KLF8: variants seen among roughly 807,000 people sequenced by gnomAD.
The protein encoded by KLF8 is Krueppel-like factor 8.
A neutral mutation model predicts 18.2 loss-of-function variants in KLF8; 10 were observed. The ratio of observed to expected loss-of-function variants is 0.55; its 90% CI spans 0.34 to 0.93. The LOEUF (loss-of-function observed/expected upper bound fraction) is 0.93. Among genes scored for constraint, KLF8 ranks in the 40% least tolerant of loss-of-function variants. The pLI is 0.02. For missense variants in KLF8, 264 were observed against 277.9 expected (o/e 0.95, Z 0.36); for synonymous variants, 109 against 97.3 (o/e 1.12, Z -0.71).
At chrX:56,073,153 A>AT in the KLF8 span, among the ~76,000 whole-genome samples, 1 of 109,577 alleles carries the variant, frequency 9.1e-6, no homozygotes, top group Non-Finnish European at 1.9e-5. Flanking sequence ...CGCCCAGCTA[A>AT]TTTTTTGGTA....
the KLF8 span, among the ~76,000 whole-genome samples, chrX:55,984,300 C>A: frequency 9.1e-6 from 1 of 110,177 alleles, no homozygotes; most frequent in Non-Finnish European, 1.9e-5. Flanking sequence ...CTAACAGGTC[C>A]CCACGTTTCC....
chrX:56,162,984 C>T, the KLF8 span, among the ~76,000 whole-genome samples: 1 of 112,176 alleles, frequency 8.9e-6, no homozygotes, highest in Non-Finnish European at 1.9e-5. Flanking sequence ...TTTCTTTATC[C>T]ATTCTATCAT....
chrX:56,177,291 C>T, the KLF8 span, among the ~76,000 whole-genome samples: 1 of 110,716 alleles, frequency 9.0e-6, no homozygotes, highest in Non-Finnish European at 1.9e-5. Context: ...TTGTGGATGT[C>T]CTTTCTGCTT....
At chrX:56,007,456 G>A in the KLF8 span, among the ~76,000 whole-genome samples, 70 of 111,573 alleles carry the variant, frequency 6.3e-4, no homozygotes, top group Non-Finnish European at 1.2e-3. Flanking sequence ...CTTCTCCATG[G>A]CTAGGATTAC....
intron 5 of KLF8, among the ~76,000 whole-genome samples, chrX:56,279,435 C>T (rs1438296027): frequency 1.8e-5 from 2 of 111,817 alleles, no homozygotes; most frequent in East Asian, 2.8e-4. Flanking sequence ...GGGAGAATAA[C>T]GATCATATGA....
chrX:56,162,623 C>T, the KLF8 span, among the ~76,000 whole-genome samples: 1 of 111,759 alleles, frequency 8.9e-6, no homozygotes, highest in African/African-American at 3.3e-5. Context: ...TGGAAAAGTG[C>T]AGTATTAGGG....
chrX:56,175,357 G>A, the KLF8 span, among the ~76,000 whole-genome samples: 5 of 111,806 alleles, frequency 4.5e-5, no homozygotes, highest in African/African-American at 1.3e-4. Flanking sequence ...GTTATGTACC[G>A]AGTAGTCATT....
chrX:55,941,281 A>G, the KLF8 span, among the ~76,000 whole-genome samples: 1 of 112,378 alleles, frequency 8.9e-6, no homozygotes, highest in Admixed American at 9.4e-5. Flanking sequence ...AGGATTCCCT[A>G]TTTAATAAAT....
At chrX:56,138,154 G>T in the KLF8 span, among the ~76,000 whole-genome samples, 1 of 106,148 alleles carries the variant, frequency 9.4e-6, no homozygotes, top group Non-Finnish European at 1.9e-5. Context: ...ACCCTAAACA[G>T]ACCAATAAAA....
chrX:56,155,120 A>G, the KLF8 span, among the ~76,000 whole-genome samples: 2 of 110,874 alleles, frequency 1.8e-5, no homozygotes, highest in Admixed American at 9.7e-5. Context: ...TATCCAAAGG[A>G]CTATAAATCA....
chrX:56,160,894 A>G, the KLF8 span, among the ~76,000 whole-genome samples: 1 of 111,076 alleles, frequency 9.0e-6, no homozygotes, highest in Non-Finnish European at 1.9e-5. Flanking sequence ...TTTACATTTA[A>G]GGTTAGTATT....
chrX:55,971,124 A>C, the KLF8 span, among the ~76,000 whole-genome samples: 20 of 111,843 alleles, frequency 1.8e-4, no homozygotes, highest in Non-Finnish European at 3.0e-4. Flanking sequence ...GAGCAAAAAG[A>C]AGAAAACTGG....
At chrX:56,237,155 A>C (rs1453673861) in intron 1 of KLF8, among the ~76,000 whole-genome samples, 4 of 94,536 alleles carry the variant, frequency 4.2e-5, no homozygotes, top group Non-Finnish European at 8.3e-5. Context: ...AAAAATTCAT[A>C]CATTGAAGAC....
the KLF8 span, among the ~76,000 whole-genome samples, chrX:56,214,622 A>T: frequency 8.9e-6 from 1 of 112,519 alleles, no homozygotes; most frequent in Non-Finnish European, 1.9e-5. Flanking sequence ...TAAAGAGATG[A>T]TGCGAATAAA....
chrX:56,060,486 A>C, the KLF8 span, among the ~76,000 whole-genome samples: 442 of 112,051 alleles, frequency 3.9e-3, no homozygotes, highest in African/African-American at 0.014. Flanking sequence ...GTTGGATTAC[A>C]TTTATTAATT....
the KLF8 span, among the ~76,000 whole-genome samples, chrX:56,077,715 C>T: frequency 9.0e-6 from 1 of 111,666 alleles, no homozygotes. Flanking sequence ...GGCATTGAAT[C>T]TATAAATTAC....
chrX:56,228,219 A>T (rs1162697598), upstream of KLF8, among the ~76,000 whole-genome samples: 2 of 112,333 alleles, frequency 1.8e-5, no homozygotes, highest in Non-Finnish European at 3.8e-5. Flanking sequence ...CTCAACCTAA[A>T]GCTGGTAGTT....
rs933312805 is a variant in KLF8 at position 56,285,950 on chromosome X, T to C, written c.*1456T>C. 9.0e-6 allele frequency: 1 copy of C among 110,771 alleles called. No homozygotes were observed. The highest frequency in any genetic ancestry group is 1.9e-5 in the Non-Finnish European group (1 of 52,970). 9.1% of individuals were successfully genotyped at this position (110,771 alleles called of 1,213,427 possible). On this transcript the variant is annotated 3_prime_UTR_variant, in exon 6 of 6. Coordinates refer to ENST00000468660, the MANE Select transcript of KLF8 (RefSeq NM_007250.5). The stretch of plus-strand genomic sequence containing the variant: ...CTTTTTCTTTTCAACCCTGCTTGAA[T>C]ACTTTAGGTTACTATTTCCTGAGGC...
chrX:56,059,563 T>C, the KLF8 span, among the ~76,000 whole-genome samples: 1 of 112,387 alleles, frequency 8.9e-6, no homozygotes, highest in Non-Finnish European at 1.9e-5. Flanking sequence ...GTTTCAGTTT[T>C]CTGCATATGG....
Sources: gnomAD v4.1 joint callset for allele counts (sites outside exome capture counted in the v4.1 genomes callset) on GRCh38, gnomAD v4.1.1 for gene constraint, MANE v1.5 for transcripts, NCBI Gene and HGNC (gene_info 2026-07-23, HGNC 2026-07-21) for gene names.